Variants in KLK4 observed in about 807,000 individuals in gnomAD.
KLK4 encodes the protein kallikrein-4.
Under a neutral mutation model 24.3 loss-of-function variants are expected in KLK4, and 24 were observed. The ratio of observed to expected loss-of-function variants is 0.99; its 90% confidence interval spans 0.72 to 1.39. The LOEUF is 1.39. Among genes scored for constraint, KLK4 ranks in the 40% most tolerant of loss-of-function variants. The probability of loss-of-function intolerance (pLI) is 0.00; values close to 1 mark genes in which losing one functional copy is unlikely to be tolerated. For missense variants in KLK4, 344 were observed against 327.4 expected (o/e 1.05, Z -0.39); for synonymous variants, 142 against 138.8 (o/e 1.02, Z -0.16).
At chr19:50,906,869 T>C (rs2090435156) in exon 6 of KLK4, 9 of 1,597,892 alleles carry the variant, frequency 5.6e-6, no homozygotes, top group Non-Finnish European at 7.7e-6. Flanking sequence ...TGGGAACAGA[T>C]ATTCCTGAAT....
chr19:50,909,262 A>G (rs2090464019), exon 3 of KLK4: 2 of 1,614,074 alleles, frequency 1.2e-6, no homozygotes, highest in Non-Finnish European at 8.5e-7. Context: ...TTCTGGAAAC[A>G]GTGTGCGGCT....
chr19:50,908,326 G>A (rs2090451633), intron 5 of KLK4, 33 bp downstream of exon 5: 2 of 1,609,268 alleles, frequency 1.2e-6, no homozygotes, highest in South Asian at 2.2e-5. Flanking sequence ...ACCCTTCCCT[G>A]AGTCGCCTGC....
intron 3 of KLK4, 121 bp downstream of exon 3, chr19:50,909,131 C>A (rs879252310): frequency 1.6e-5 from 25 of 1,579,618 alleles, no homozygotes; most frequent in South Asian, 2.3e-5. Context: ...GATCCAGGCT[C>A]ATTCCGTCCT....
chr19:50,909,945 G>A (rs2090472858), intron 2 of KLK4, among the ~76,000 whole-genome samples: 1 of 151,488 alleles, frequency 6.6e-6, no homozygotes, highest in Non-Finnish European at 1.5e-5. Context: ...GGCAGTCTCA[G>A]AAGGTGGGAC....
rs539012718 is a variant in KLK4 at position 50,910,568 on chromosome 19, C to T, written c.61+110G>A. 2 of 995,314 alleles carry T rather than the reference C, an allele frequency of 2.0e-6. No homozygotes were observed. Among genetic ancestry groups the T allele is most frequent in the East Asian group, 5.2e-5 (2 of 38,448 alleles). The allele number at this position is 995,314 out of a possible 1,614,324, so 61.7% of individuals were successfully genotyped here. A position where few individuals can be genotyped will look rare whatever the true frequency, so the allele number is the denominator to read the frequency against. On this transcript the variant is annotated intron_variant, in intron 2 of 5. Transcript: ENST00000324041. This position sits in a 1 kb window ranked among gnomAD's most constrained non-coding sequence, Gnocchi z 4.4. ...TGGGGGACGGATAACACGGTACCGTCTCACAGGCAGCTTTGCAGTCACAAG... is the reference window on the plus strand; with the variant it reads ...TGGGGGACGGATAACACGGTACCGTTTCACAGGCAGCTTTGCAGTCACAAG...
At chr19:50,907,812 T>G (rs111577290) in intron 5 of KLK4, among the ~76,000 whole-genome samples, 9 of 152,314 alleles carry the variant, frequency 5.9e-5, no homozygotes, top group Non-Finnish European at 1.3e-4. Context: ...CAACCCTGGT[T>G]TGAACTGCAC....
At chr19:50,907,988 TTA>T (rs1176601479) in intron 5 of KLK4, 6 of 363,568 alleles carry the variant, frequency 1.7e-5, no homozygotes, top group Non-Finnish European at 3.1e-5. Context: ...AATCGACTAT[TTA>T]TGTTATTGGT....
rs198965 is a variant in KLK4 at position 50,907,142 on chromosome 19, G to A, written c.613-56C>T. On this transcript the variant is annotated intron_variant, in intron 5 of 5. Transcript: ENST00000324041. ...AAAACACAGAGAGGTGGAAATGGATGTGGGCTCAGAAAGGAACTAAATGAG... is the reference window on the plus strand; with the variant it reads ...AAAACACAGAGAGGTGGAAATGGATATGGGCTCAGAAAGGAACTAAATGAG... The A allele has an allele frequency of 0.034, 54,117 of 1,577,026 alleles. 1,188 individuals are homozygous for A. Among genetic ancestry groups the A allele is most frequent in the Admixed American group, 0.089 (5,348 of 59,794 alleles).
exon 6 of KLK4, chr19:50,907,046 T>C: frequency 6.2e-7 from 1 of 1,614,188 alleles, no homozygotes; most frequent in Non-Finnish European, 8.5e-7. Context: ...CACAAGGCCC[T>C]GCAAGTACCC....
intron 2 of KLK4, 59 bp from the exon 3 acceptor site, chr19:50,909,473 G>A (rs2090466739): frequency 6.3e-7 from 1 of 1,578,188 alleles, no homozygotes. Context: ...GTTCCTGGGG[G>A]TGGGCTTACC....
In KLK4 at chr19:50,908,352, C is replaced by T. The variant is rs1335451536; in HGVS notation, c.612+7G>A. On this transcript the variant is annotated splice_region_variant and intron_variant, in intron 5 of 5. Transcript: ENST00000324041. ...AGTCGCCTGCCCTCCCCTTTCCCCT[C>T]TCTCACGTTGCAGGAGTCCTTCTGG... 55 of 1,612,684 alleles carry T rather than the reference C, an allele frequency of 3.4e-5. No homozygotes were observed. Among genetic ancestry groups the T allele is most frequent in the Non-Finnish European group, 4.6e-5 (54 of 1,180,032 alleles).
chr19:50,909,118 C>A, intron 3 of KLK4, 134 bp downstream of exon 3: 1 of 1,555,972 alleles, frequency 6.4e-7, no homozygotes. Context: ...CTGGGGCTCC[C>A]CGGATCCAGG....
chr19:50,908,331 G>T (rs1232021299), intron 5 of KLK4, 28 bp downstream of exon 5: 1 of 1,609,990 alleles, frequency 6.2e-7, no homozygotes, highest in Non-Finnish European at 8.5e-7. Context: ...TCCCTGAGTC[G>T]CCTGCCCTCC....
intron 1 of KLK4, among the ~76,000 whole-genome samples, 147 bp downstream of exon 1, chr19:50,911,192 A>G (rs1256945709): frequency 6.6e-6 from 1 of 152,164 alleles, no homozygotes; most frequent in African/African-American, 2.4e-5. Context: ...AGAGACAGTG[A>G]CTCCTAACTA....
At position 50,908,370 on chromosome 19, in the gene KLK4, CCTT is replaced by C. The variant is rs778246472; in HGVS notation, c.598_600del (p.Lys200del). On this transcript the variant is annotated inframe_deletion, in exon 5 of 6. Coordinates refer to ENST00000324041, the Ensembl canonical transcript of KLK4. ...TTCCCCTCTCTCACGTTGCAGGAGT[CCTT>C]CTGGTCTTGCCCTCCGCCGGCGCAG... 5.6e-6 allele frequency: 9 copies of C among 1,613,514 alleles called. No individual in the cohort carries two copies. The African/African-American group carries it at 9.3e-5, about 17-fold the overall frequency.
chr19:50,909,138 T>G, intron 3 of KLK4, 114 bp downstream of exon 3: 2 of 1,588,296 alleles, frequency 1.3e-6, no homozygotes, highest in Non-Finnish European at 1.7e-6. Context: ...GCTCATTCCG[T>G]CCTCCTCCCA....
At chr19:50,907,874 G>T in intron 5 of KLK4, 1 of 241,128 alleles carries the variant, frequency 4.1e-6, no homozygotes, top group Non-Finnish European at 8.2e-6. Context: ...AAAATTTTAG[G>T]AGAGTTGCAA....
At position 50,910,608 on chromosome 19, in the gene KLK4, G is replaced by A. The variant is rs1346974345; in HGVS notation, c.61+70C>T. On this transcript the variant is annotated intron_variant, in intron 2 of 5. Transcript: ENST00000324041. The surrounding 1 kb of genome is among the most constrained non-coding windows in gnomAD (Gnocchi z 4.4). ...GCAGTCACAAGCAAGAGGACACTGA[G>A]TCACACCTGAACATTAACAAACACT... 28 of 1,409,748 alleles carry A rather than the reference G, an allele frequency of 2.0e-5. No individual in the cohort carries two copies. The highest frequency in any genetic ancestry group is 2.7e-5 in the Non-Finnish European group (27 of 1,018,184). 87.3% of individuals were successfully genotyped at this position (1,409,748 alleles called of 1,614,324 possible).
intron 5 of KLK4, chr19:50,907,860 T>C (rs1654553): frequency 0.47 from 110,400 of 234,838 alleles, 27,438 homozygotes; most frequent in African/African-American, 0.55. Flanking sequence ...ATAAACACAT[T>C]AGAAAAATTT....
Sources: allele counts gnomAD v4.1 joint callset (sites outside exome capture counted in the v4.1 genomes callset), GRCh38; gene constraint gnomAD v4.1.1; non-coding constraint Gnocchi (gnomAD v3.1); transcripts MANE v1.5; gene names NCBI Gene and HGNC (gene_info 2026-07-23, HGNC 2026-07-21).